The following SRCAP variants were observed in gnomAD, a reference collection of about 807,000 sequenced individuals.
The protein encoded by SRCAP is Snf2 related CREBBP activator protein, also known as chromatin remodeling protein SRCAP.
Under a neutral mutation model 263.1 loss-of-function variants are expected in SRCAP, and 46 were observed. The ratio of observed to expected loss-of-function variants is 0.17; its 90% CI spans 0.14 to 0.22. The LOEUF (loss-of-function observed/expected upper bound fraction) is 0.22, where lower values mean the gene tolerates loss of function less well. SRCAP is among the 10% of genes least tolerant of loss of function. The pLI is 1.00. For missense variants in SRCAP, 3,695 were observed against 4,181.9 expected (o/e 0.88, Z 3.21); for synonymous variants, 1,813 against 1,662.1 (o/e 1.09, Z -2.21).
chr16:30,700,438 TTA>T (rs1462561015), intron 2 of SRCAP, among the ~76,000 whole-genome samples, 176 bp from the exon 3 acceptor site: 12 of 152,258 alleles, frequency 7.9e-5, no homozygotes, highest in Admixed American at 7.9e-4. Flanking sequence ...GGTGTGAGGA[TTA>T]TAGAACACAT....
intron 25 of SRCAP, chr16:30,726,248 A>G (rs2053063439): frequency 6.6e-6 from 1 of 152,236 alleles, no homozygotes; most frequent in South Asian, 2.1e-4. Context: ...TATGAATACC[A>G]CATTTTATCC....
chr16:30,710,814 G>C lies in SRCAP; in HGVS notation c.1195G>C (p.Asp399His), dbSNP rs1196365359. The C allele has an allele frequency of 6.2e-7, 1 of 1,614,072 alleles. No homozygotes were observed. The highest frequency in any genetic ancestry group is 8.5e-7 in the Non-Finnish European group (1 of 1,180,048). Residue 399 changes from aspartate (D) to histidine (H), a missense_variant, in exon 9 of 34, where the codon GAT becomes CAT. By Grantham distance (81) the Asp-to-His change is moderately conservative (BLOSUM62 -1). Transcript: ENST00000262518. ...CAAACAGCCTTGGCATCCAGATGAAGATGATGAAGAGTTTACTGCCAACGA... is the reference window on the plus strand; with the variant it reads ...CAAACAGCCTTGGCATCCAGATGAACATGATGAAGAGTTTACTGCCAACGA... Reference protein sequence around the residue: ...RNKQPWHPDEDDEEFTANEEE... With the variant: ...RNKQPWHPDEHDEEFTANEEE...
At chr16:30,700,969 A>G (rs1596637685) in intron 3 of SRCAP, 91 bp downstream of exon 3, 1 of 1,369,754 alleles carries the variant, frequency 7.3e-7, no homozygotes, top group East Asian at 2.3e-5. Flanking sequence ...ATATTTGTGG[A>G]GAGTTTTGGA....
intron 33 of SRCAP, among the ~76,000 whole-genome samples, 177 bp from the exon 34 acceptor site, chr16:30,736,872 C>T (rs987936038): frequency 2.0e-5 from 3 of 151,992 alleles, no homozygotes; most frequent in Non-Finnish European, 4.4e-5. Context: ...GGGGGTTTCA[C>T]CATGTTGGCC....
In SRCAP at chr16:30,734,478, C is replaced by T. The variant is rs1171847017; in HGVS notation, c.6610-18C>T. On this transcript the variant is annotated intron_variant, in intron 30 of 33. Transcript: ENST00000262518. ...GCATTCTGTTGACTCTGACACTTCC[C>T]TCTGTTCTATCCGATAGCAGACCAT... The T allele has an allele frequency of 3.7e-6, 6 of 1,613,548 alleles. No individual in the cohort carries two copies. In the South Asian group the frequency reaches 5.5e-5, roughly 15 times the overall value.
In SRCAP at chr16:30,733,509, G is replaced by A; in HGVS notation, c.6297+60G>A. The A allele has an allele frequency of 1.2e-6, 2 of 1,607,894 alleles. No homozygotes were observed. The highest frequency in any genetic ancestry group is 2.2e-5 in the South Asian group (2 of 90,618). ...CTCCGCTTCTCTCTCCTTTTCCCAG[G>A]ATTTGGGCTTCCAGACGGGGTGCCA... On this transcript the variant is annotated intron_variant, in intron 28 of 33. Transcript: ENST00000262518. This position sits in a 1 kb window ranked among gnomAD's most constrained non-coding sequence, Gnocchi z 5.3.
rs560498526 is a variant in SRCAP, at chr16:30,734,490, C to G, written c.6610-6C>G. On this transcript the variant is annotated splice_region_variant and splice_polypyrimidine_tract_variant and intron_variant, in intron 30 of 33. Transcript: ENST00000262518. ...CTCTGACACTTCCCTCTGTTCTATC[C>G]GATAGCAGACCATCCGAGAGCTGTT... The G allele has an allele frequency of 6.2e-7, 1 of 1,613,866 alleles. No homozygotes were observed. The highest frequency in any genetic ancestry group is 2.2e-5 in the East Asian group (1 of 44,878).
chr16:30,722,036 C>CG (rs1555464660), intron 21 of SRCAP, 86 bp from the exon 22 acceptor site: 5 of 1,502,144 alleles, frequency 3.3e-6, no homozygotes, highest in Non-Finnish European at 4.5e-6. Context: ...ACTGGACACT[C>CG]GGGGGAGAGG....
In SRCAP at chr16:30,736,546, C is replaced by G. The variant is rs2053162342; in HGVS notation, c.6930C>G (p.Thr2310=). 1 of 1,614,138 alleles carries G rather than the reference C, an allele frequency of 6.2e-7. No individual in the cohort carries two copies. Among genetic ancestry groups the G allele is most frequent in the Non-Finnish European group, 8.5e-7 (1 of 1,180,034 alleles). The change falls in exon 33 of 34, where the codon ACC becomes ACG. Residue 2310 remains threonine, a synonymous_variant. Transcript: ENST00000262518. ...QEIAALVEQL[T]PIERYAMKFL... ...ACCACCGCTCCTCCTTGCAGCTGAC[C>G]CCCATTGAGCGCTATGCCATGAAAT...
intron 4 of SRCAP, 25 bp downstream of exon 4, chr16:30,704,340 G>A (rs1214516757): frequency 6.4e-7 from 1 of 1,555,476 alleles, no homozygotes; most frequent in Non-Finnish European, 8.7e-7. Flanking sequence ...GGCTTATGAA[G>A]ATTCTTGGGA....
chr16:30,736,035 G>A (rs1030635434), intron 31 of SRCAP, among the ~76,000 whole-genome samples, 165 bp from the exon 32 acceptor site: 2 of 151,960 alleles, frequency 1.3e-5, no homozygotes, highest in African/African-American at 4.8e-5. Context: ...ATCCTTTGTG[G>A]ACCACTGAGT....
intron 4 of SRCAP, among the ~76,000 whole-genome samples, chr16:30,705,074 G>T (rs1054736676): frequency 1.4e-4 from 21 of 152,210 alleles, no homozygotes; most frequent in African/African-American, 4.6e-4. Flanking sequence ...GCCGAGGCGG[G>T]TGGATCACCT....
Position 30,724,693 on chromosome 16 carries a change from G to A in SRCAP, c.5269G>A (p.Ala1757Thr). Residue 1757 changes from alanine (A) to threonine (T), a missense_variant, in exon 25 of 34, where the codon GCT becomes ACT. By Grantham distance (58) the Ala-to-Thr change is moderately conservative. Around this residue, in one of 12 missense-constraint regions of SRCAP, gnomAD observed 1,347 missense variants for 1,304.4 expected, o/e 1.03. Transcript: ENST00000262518. ...SLAPAPPLAP[A>T]SPVGPAPAHT... ...GGCTCCAGCACCCCCTCTGGCTCCA[G>A]CTTCTCCAGTGGGCCCAGCCCCAGC... 1 of 1,614,058 alleles carries A rather than the reference G, an allele frequency of 6.2e-7. No individual in the cohort carries two copies. The highest frequency in any genetic ancestry group is 1.6e-4 in the Middle Eastern group (1 of 6,062).
chr16:30,736,711 C>T (rs1030471392), intron 33 of SRCAP, 87 bp downstream of exon 33: 31 of 1,438,050 alleles, frequency 2.2e-5, no homozygotes, highest in Non-Finnish European at 2.8e-5. Flanking sequence ...CTCGCTCTGT[C>T]GCCCAGGCTG....
intron 3 of SRCAP, among the ~76,000 whole-genome samples, 175 bp downstream of exon 3, chr16:30,701,053 T>C (rs1055412152): frequency 2.6e-5 from 4 of 152,154 alleles, no homozygotes; most frequent in Admixed American, 6.5e-5. Context: ...TTAACATTAG[T>C]GTAATATTAT....
At position 30,724,663 on chromosome 16, in the gene SRCAP, T is replaced by TCTCTGGCTCCAGCACCCC. The variant is rs779055260; in HGVS notation, c.5253_5270dup (p.Pro1752_Ala1757dup). ...ACCACTGGGTCCAACTCAGACGCTG[T>TCTCTGGCTCCAGCACCCC]CTCTGGCTCCAGCACCCCCTCTGGC... On this transcript the variant is annotated inframe_insertion, in exon 25 of 34. Coordinates refer to ENST00000262518, the MANE Select transcript of SRCAP (RefSeq NM_006662.3). 69 of 1,613,820 alleles carry TCTCTGGCTCCAGCACCCC rather than the reference T, an allele frequency of 4.3e-5. No individual in the cohort carries two copies. The East Asian group carries it at 6.5e-4, about 15-fold the overall frequency.
At position 30,737,528 on chromosome 16, in the gene SRCAP, T is replaced by C. The variant is rs1421868976; in HGVS notation, c.7488T>C (p.Ser2496=). The stretch of plus-strand genomic sequence containing the variant: ...CTTCACAGATTCCTCCTTGTTCTTC[T>C]CCTGCCTGCACCCCTCCTCCTGCCT... The part of the protein sequence containing the change: ...PPPSQIPPCS[S]PACTPPPACT... Residue 2496 remains serine, a synonymous_variant, in exon 34 of 34, where the codon TCT becomes TCC. Coordinates refer to ENST00000262518, the MANE Select transcript of SRCAP (RefSeq NM_006662.3). 3.7e-6 allele frequency: 6 copies of C among 1,607,094 alleles called. No homozygotes were observed. Among genetic ancestry groups the C allele is most frequent in the Middle Eastern group, 1.6e-4 (1 of 6,068 alleles).
chr16:30,713,419 T>C (rs1258492800), intron 15 of SRCAP, 42 bp downstream of exon 15: 1 of 1,612,940 alleles, frequency 6.2e-7, no homozygotes, highest in East Asian at 2.2e-5. Flanking sequence ...TTGACTTGGC[T>C]AGAAGGGAGG....
chr16:30,718,984 C>T (rs984921341), intron 18 of SRCAP, among the ~76,000 whole-genome samples: 1 of 151,372 alleles, frequency 6.6e-6, no homozygotes, highest in Admixed American at 6.6e-5. Context: ...GCAACCTCTG[C>T]GTCTTGGGTT....
Sources: gnomAD v4.1 joint callset for allele counts (sites outside exome capture counted in the v4.1 genomes callset) on GRCh38, gnomAD v4.1.1 for gene constraint, gnomAD v4.1.1 regional missense constraint, Gnocchi (gnomAD v3.1) non-coding constraint, MANE v1.5 for transcripts, NCBI Gene and HGNC (gene_info 2026-07-23, HGNC 2026-07-21) for gene names.